The following ESYT2 variants were observed in gnomAD, a reference collection of about 807,000 sequenced individuals.
ESYT2 encodes the protein extended synaptotagmin-2.
In ESYT2, 54 loss-of-function variants were observed where a neutral mutation model predicts 107.2. The observed-to-expected ratio is 0.50, with a 90% CI of 0.40 to 0.63. ESYT2 has a LOEUF of 0.63. Ranked by LOEUF, ESYT2 falls within the 30% of genes least tolerant of loss-of-function variation. ESYT2 has a pLI of 0.00. For synonymous variants in ESYT2, 491 were observed against 434.1 expected (o/e 1.13, Z -1.63); for missense variants, 1,020 against 1,094.5 (o/e 0.93, Z 0.96).
At chr7:158,799,264 G>A (rs1020919906) in intron 1 of ESYT2, among the ~76,000 whole-genome samples, 192 bp from the exon 2 acceptor site, 2 of 152,170 alleles carry the variant, frequency 1.3e-5, no homozygotes, top group African/African-American at 2.4e-5. Context: ...AGCTCTTTAC[G>A]TTCTGAGAAC....
intron 7 of ESYT2, among the ~76,000 whole-genome samples, chr7:158,768,343 T>C (rs1014396747): frequency 3.9e-5 from 6 of 152,216 alleles, no homozygotes. Context: ...ATTGGACACA[T>C]TAATAATTTT....
chr7:158,745,467 G>C (rs1229000242), intron 16 of ESYT2, among the ~76,000 whole-genome samples: 1 of 152,210 alleles, frequency 6.6e-6, no homozygotes, highest in Admixed American at 6.5e-5. Context: ...AGGCCCCAGA[G>C]GGCCTGAGCA....
At chr7:158,799,643 C>T (rs1013288283) in intron 1 of ESYT2, among the ~76,000 whole-genome samples, 1 of 152,168 alleles carries the variant, frequency 6.6e-6, no homozygotes, top group Admixed American at 6.5e-5. Flanking sequence ...AATAAAGTAA[C>T]AAAATATAAA....
At chr7:158,791,164 C>T (rs1016244638) in intron 4 of ESYT2, among the ~76,000 whole-genome samples, 1 of 152,120 alleles carries the variant, frequency 6.6e-6, no homozygotes, top group South Asian at 2.1e-4. Context: ...GAGTTTGACT[C>T]CCCCAGAAAC....
intron 1 of ESYT2, among the ~76,000 whole-genome samples, chr7:158,802,365 C>T (rs1003082928): frequency 6.6e-6 from 1 of 152,068 alleles, no homozygotes; most frequent in African/African-American, 2.4e-5. Context: ...CAGCTCACTA[C>T]AACCTCCTCC....
chr7:158,819,866 C>T (rs185841630), intron 1 of ESYT2, among the ~76,000 whole-genome samples: 1 of 152,262 alleles, frequency 6.6e-6, no homozygotes, highest in Non-Finnish European at 1.5e-5. Flanking sequence ...GTTTCAATGA[C>T]AATTTTACAA....
intron 1 of ESYT2, among the ~76,000 whole-genome samples, chr7:158,804,402 T>C (rs13242180): frequency 0.059 from 6,910 of 117,280 alleles, 627 homozygotes; most frequent in African/African-American, 0.088. Flanking sequence ...AAACCCAAAC[T>C]GTTGAGAAAA....
At chr7:158,802,532 C>T (rs35696431) in intron 1 of ESYT2, among the ~76,000 whole-genome samples, 16,494 of 152,212 alleles carry the variant, frequency 0.11, 940 homozygotes, top group African/African-American at 0.13. Context: ...CCCTCTGCCT[C>T]GGGCTCTAAA....
intron 7 of ESYT2, among the ~76,000 whole-genome samples, chr7:158,771,469 G>A (rs568583709): frequency 1.2e-4 from 18 of 152,334 alleles, no homozygotes; most frequent in Admixed American, 7.8e-4. Flanking sequence ...CCTGATCATC[G>A]GAGTCGCAGG....
intron 1 of ESYT2, among the ~76,000 whole-genome samples, chr7:158,805,413 G>C (rs1309863876): frequency 1.3e-5 from 2 of 152,176 alleles, no homozygotes; most frequent in Non-Finnish European, 2.9e-5. Context: ...AGGTTAAAAA[G>C]GTAGAGAGGA....
intron 7 of ESYT2, among the ~76,000 whole-genome samples, chr7:158,769,500 G>A (rs1838280193): frequency 6.6e-6 from 1 of 152,162 alleles, no homozygotes; most frequent in Non-Finnish European, 1.5e-5. Context: ...GCTCCCCTAG[G>A]TCTCCACAGA....
chr7:158,814,632 C>G (rs1270367075), intron 1 of ESYT2, among the ~76,000 whole-genome samples: 1 of 152,126 alleles, frequency 6.6e-6, no homozygotes, highest in Non-Finnish European at 1.5e-5. Flanking sequence ...AGAGAAACTC[C>G]CACTGGCTAA....
At chr7:158,761,598 A>T (rs1837966154) in intron 10 of ESYT2, 54 bp from the exon 11 acceptor site, 1 of 1,490,336 alleles carries the variant, frequency 6.7e-7, no homozygotes, top group Non-Finnish European at 9.3e-7. Context: ...TTTCTTACTG[A>T]AACAACTTTA....
At chr7:158,786,034 G>A (rs947995001) in intron 6 of ESYT2, among the ~76,000 whole-genome samples, 1 of 151,950 alleles carries the variant, frequency 6.6e-6, no homozygotes, top group African/African-American at 2.4e-5. Flanking sequence ...AAAATAAACT[G>A]AAAATTTTCC....
intron 19 of ESYT2, among the ~76,000 whole-genome samples, chr7:158,738,344 G>GACAGAC (rs1837052981): frequency 7.6e-6 from 1 of 131,312 alleles, no homozygotes; most frequent in African/African-American, 3.0e-5. Flanking sequence ...CACACACACA[G>GACAGAC]ACACACACAC....
chr7:158,776,897 G>T (rs1175360643), intron 6 of ESYT2, among the ~76,000 whole-genome samples: 1 of 149,560 alleles, frequency 6.7e-6, no homozygotes, highest in East Asian at 2.0e-4. Context: ...CTGTCGCCCA[G>T]GCTGGAGTGC....
At chr7:158,759,417 G>A (rs1384582330) in intron 13 of ESYT2, 69 bp downstream of exon 13, 3 of 1,228,670 alleles carry the variant, frequency 2.4e-6, no homozygotes, top group Non-Finnish European at 3.5e-6. Context: ...GCTGCACAAA[G>A]CAGTGGTTAT....
At position 158,760,180 on chromosome 7, in the gene ESYT2, G is replaced by C. The variant is rs745991776; in HGVS notation, c.1234-33C>G. ...GAAAAAATGTTTACGTTCAGCAAAA[G>C]TTCTTCTGAATCAAAAATCCAAATT... On this transcript the variant is annotated intron_variant, in intron 11 of 22. Transcript: ENST00000275418. 2.1e-4 allele frequency: 335 copies of C among 1,591,854 alleles called. 1 individual carries two copies. The highest frequency in any genetic ancestry group is 2.7e-4 in the Non-Finnish European group (311 of 1,160,278).
chr7:158,757,754 G>GTTTTTTT (rs67853250), intron 13 of ESYT2, among the ~76,000 whole-genome samples: 1 of 76,422 alleles, frequency 1.3e-5, no homozygotes, highest in African/African-American at 3.3e-5. Context: ...GTCTCTCTGG[G>GTTTTTTT]TTTTTTTTTT....
Sources: allele counts gnomAD v4.1 joint callset (sites outside exome capture counted in the v4.1 genomes callset), GRCh38; gene constraint gnomAD v4.1.1; transcripts MANE v1.5; gene names NCBI Gene and HGNC (gene_info 2026-07-23, HGNC 2026-07-21).